ZMYM4: variants seen among roughly 807,000 people sequenced by gnomAD.
The protein encoded by ZMYM4 is zinc finger MYM-type protein 4.
A neutral mutation model predicts 183.2 loss-of-function variants in ZMYM4; 31 were observed. The ratio of observed to expected loss-of-function variants is 0.17; its 90% CI spans 0.13 to 0.23. The LOEUF (loss-of-function observed/expected upper bound fraction) is 0.23. ZMYM4 is among the 10% of genes least tolerant of loss of function. ZMYM4 has a pLI of 1.00. For missense variants in ZMYM4, 1,273 were observed against 1,840.3 expected (o/e 0.69, Z 5.64); for synonymous variants, 592 against 631.2 (o/e 0.94, Z 0.93).
chr1:35,339,547 C>T (rs1301287309), intron 2 of ZMYM4, among the ~76,000 whole-genome samples: 1 of 152,044 alleles, frequency 6.6e-6, no homozygotes, highest in African/African-American at 2.4e-5. Flanking sequence ...TATAAGTAAC[C>T]TAGAGATGAA....
intron 2 of ZMYM4, among the ~76,000 whole-genome samples, chr1:35,331,244 G>T (rs1266585124): frequency 6.6e-6 from 1 of 151,852 alleles, no homozygotes; most frequent in Non-Finnish European, 1.5e-5. Flanking sequence ...TCTTCTTTAG[G>T]GATATAAACA....
At chr1:35,328,662 T>G (rs1197119524) in intron 2 of ZMYM4, among the ~76,000 whole-genome samples, 1 of 151,964 alleles carries the variant, frequency 6.6e-6, no homozygotes, top group Non-Finnish European at 1.5e-5. Context: ...TTATCTCCCC[T>G]TTTCTGGTAG....
intron 27 of ZMYM4, among the ~76,000 whole-genome samples, chr1:35,414,489 A>G (rs933959075): frequency 2.0e-5 from 3 of 152,228 alleles, no homozygotes; most frequent in South Asian, 4.1e-4. Context: ...AGACAAGTCC[A>G]TAATTCACTC....
intron 2 of ZMYM4, chr1:35,351,462 G>C (rs1261956123): frequency 1.3e-5 from 20 of 1,570,102 alleles, no homozygotes; most frequent in Non-Finnish European, 1.6e-5. Context: ...TGCTATACGA[G>C]AGAATCCAGT....
intron 1 of ZMYM4, among the ~76,000 whole-genome samples, chr1:35,314,191 C>T (rs1641931490): frequency 6.6e-6 from 1 of 152,142 alleles, no homozygotes; most frequent in South Asian, 2.1e-4. Flanking sequence ...CCTGATTCTT[C>T]CAACTTGGTA....
Position 35,419,961 on chromosome 1 carries a change from A to G in ZMYM4, c.*284A>G. Reference sequence around the variant, plus strand: ...ATCTTATTTTGTTTGGGAGTAACAAATCGTGGAATATTTTTAAGGAAAACT... The same window carrying G: ...ATCTTATTTTGTTTGGGAGTAACAAGTCGTGGAATATTTTTAAGGAAAACT... On this transcript the variant is annotated 3_prime_UTR_variant, in exon 30 of 30. Transcript: ENST00000314607. The G allele has an allele frequency of 2.6e-6, 1 of 387,414 alleles. No homozygotes were observed. The highest frequency in any genetic ancestry group is 3.7e-5 in the Admixed American group (1 of 26,760). 24.0% of individuals were successfully genotyped at this position (387,414 alleles called of 1,614,324 possible). A position where few individuals can be genotyped will look rare whatever the true frequency, so the allele number is the denominator to read the frequency against.
At position 35,269,078 on chromosome 1, in the gene ZMYM4, G is replaced by C. The variant is rs1227501763; in HGVS notation, c.32G>C (p.Arg11Pro). 6.5e-7 allele frequency: 1 copy of C among 1,549,486 alleles called. No individual in the cohort carries two copies. Among genetic ancestry groups the C allele is most frequent in the Non-Finnish European group, 8.7e-7 (1 of 1,146,722 alleles). The change falls in exon 1 of 30, where the codon CGA becomes CCA. Residue 11 changes from arginine (R) to proline (P), a missense_variant. Coordinates refer to ENST00000314607, the MANE Select transcript of ZMYM4 (RefSeq NM_005095.3). MAEREVESGP[R>P]KRFEQKSGAV... ...GAGAGAGAGGTGGAGTCCGGCCCCCGAAAGAGGGTAGGTGAGGTGAGGCAG... is the reference window on the plus strand; with the variant it reads ...GAGAGAGAGGTGGAGTCCGGCCCCCCAAAGAGGGTAGGTGAGGTGAGGCAG...
At position 35,392,256 on chromosome 1, in the gene ZMYM4, C is replaced by G. The variant is rs370196390; in HGVS notation, c.2632C>G (p.Leu878Val). The change falls in exon 16 of 30, where the codon CTG becomes GTG. Residue 878 changes from leucine to valine, a missense_variant. Leu to Val is a conservative substitution (Grantham distance 32, BLOSUM62 1). Around this residue, in one of 6 missense-constraint regions of ZMYM4, gnomAD observed 290 missense variants for 353.3 expected, o/e 0.82. Transcript: ENST00000314607. ...VQAASAGPPS[L>V]RKDSTPVIAN... ...AGCTGCTTCAGCAGGACCCCCATCT[C>G]TGAGAAAAGATTCGACTCCAGTTAT... 5.8e-5 allele frequency: 94 copies of G among 1,614,080 alleles called. No homozygotes were observed. Among genetic ancestry groups the G allele is most frequent in the Non-Finnish European group, 7.7e-5 (91 of 1,180,048 alleles).
intron 23 of ZMYM4, among the ~76,000 whole-genome samples, chr1:35,400,710 A>G (rs1265821672): frequency 6.6e-6 from 1 of 152,216 alleles, no homozygotes; most frequent in Non-Finnish European, 1.5e-5. Context: ...AATTCCCACC[A>G]CAATCATGAA....
chr1:35,289,007 A>C (rs1374608837), intron 1 of ZMYM4, among the ~76,000 whole-genome samples: 1 of 152,232 alleles, frequency 6.6e-6, no homozygotes, highest in Non-Finnish European at 1.5e-5. Context: ...TGTGGTTCCA[A>C]GTGCTGGACA....
At position 35,352,386 on chromosome 1, in the gene ZMYM4, G is replaced by GCACGCACACACACACACA. The variant is rs1553171662; in HGVS notation, c.86-6536_86-6535insGCACACACACACACACAC. 3.9e-5 allele frequency among the ~76,000 whole-genome samples: 5 copies of GCACGCACACACACACACA among 128,472 alleles called. No homozygotes were observed. In the East Asian group the frequency reaches 1.1e-3, roughly 29 times the overall value. The allele number at this position is 128,472 out of a possible 152,430, so 84.3% of individuals were successfully genotyped here. On this transcript the variant is annotated intron_variant, in intron 2 of 29. Coordinates refer to ENST00000314607, the MANE Select transcript of ZMYM4 (RefSeq NM_005095.3). The stretch of plus-strand genomic sequence containing the variant: ...CTCTACTAATAATTTAAAAATTAGC[G>GCACGCACACACACACACA]CACACACACACACACACACACACAC...
intron 1 of ZMYM4, among the ~76,000 whole-genome samples, chr1:35,317,308 C>T (rs1385374982): frequency 6.6e-6 from 1 of 151,990 alleles, no homozygotes; most frequent in South Asian, 2.1e-4. Flanking sequence ...AAGGCGGCAC[C>T]TGTAATCCCA....
At chr1:35,321,497 A>G (rs1642279974) in intron 1 of ZMYM4, among the ~76,000 whole-genome samples, 1 of 152,136 alleles carries the variant, frequency 6.6e-6, no homozygotes, top group Admixed American at 6.6e-5. Flanking sequence ...AAGGCAGGAA[A>G]AGATAAAGCT....
intron 1 of ZMYM4, among the ~76,000 whole-genome samples, chr1:35,322,503 A>G (rs1642325950): frequency 6.6e-6 from 1 of 151,932 alleles, no homozygotes; most frequent in South Asian, 2.1e-4. Context: ...TTCACCTTAA[A>G]TGGTTGTCAT....
At chr1:35,327,139 G>C (rs770538562) in intron 2 of ZMYM4, among the ~76,000 whole-genome samples, 2 of 152,218 alleles carry the variant, frequency 1.3e-5, no homozygotes, top group Non-Finnish European at 2.9e-5. Context: ...GGGATTACAG[G>C]CGTGAGCCAC....
In ZMYM4 at chr1:35,269,724, T is replaced by C. The variant is rs145451361; in HGVS notation, c.39+639T>C. Among the ~76,000 whole-genome samples, 207 of 152,306 alleles carry C rather than the reference T, an allele frequency of 1.4e-3. 1 individual carries two copies. Among genetic ancestry groups the C allele is most frequent in the African/African-American group, 4.8e-3 (199 of 41,566 alleles). ...GGACTTGGAAGAATACGACAAGTTTTCTCATAACAGGGATGTACCCAATCA... is the reference window on the plus strand; with the variant it reads ...GGACTTGGAAGAATACGACAAGTTTCCTCATAACAGGGATGTACCCAATCA... On this transcript the variant is annotated intron_variant, in intron 1 of 29. Transcript: ENST00000314607.
chr1:35,381,403 C>A lies in ZMYM4; in HGVS notation c.1326C>A (p.Thr442=). The change falls in exon 8 of 30, where the codon ACC becomes ACA. Residue 442 remains threonine, a synonymous_variant. Transcript: ENST00000314607. ...CCATAAATACAAATAGTATTTCAAC[C>A]AAATGCAGCATGTGTCAGAAGAATG... ...IVTINTNSIS[T]KCSMCQKNAV... The A allele has an allele frequency of 6.2e-7, 1 of 1,609,290 alleles. No homozygotes were observed. The highest frequency in any genetic ancestry group is 1.1e-5 in the South Asian group (1 of 90,658).
Position 35,370,572 on chromosome 1 carries a change from C to T in ZMYM4, c.1126C>T (p.Pro376Ser), listed in dbSNP as rs775343096. The T allele has an allele frequency of 1.2e-6, 2 of 1,612,624 alleles. No homozygotes were observed. Among genetic ancestry groups the T allele is most frequent in the African/African-American group, 2.7e-5 (2 of 74,896 alleles). ...ACTGTGCCTCACTGGATATACAGTTCCACCTGCCCGCCCACCGCCTCCTCT... is the reference window on the plus strand; with the variant it reads ...ACTGTGCCTCACTGGATATACAGTTTCACCTGCCCGCCCACCGCCTCCTCT... Reference protein sequence around the residue: ...STLCLTGYTVPPARPPPPLTK... With the variant: ...STLCLTGYTVSPARPPPPLTK... The change falls in exon 7 of 30, where the codon CCA becomes TCA. Residue 376 changes from proline (P) to serine (S), a missense_variant. Pro to Ser is a moderately conservative substitution (Grantham distance 74, BLOSUM62 -1). This residue lies in a region of ZMYM4 where 384 missense variants were observed against 465.6 expected (regional missense o/e 0.82). Transcript: ENST00000314607.
chr1:35,332,587 T>C (rs1642801906), intron 2 of ZMYM4, among the ~76,000 whole-genome samples: 1 of 152,142 alleles, frequency 6.6e-6, no homozygotes, highest in Non-Finnish European at 1.5e-5. Flanking sequence ...CGTAGTCTGT[T>C]ACCTTGCCTT....
Sources: allele counts gnomAD v4.1 joint callset (sites outside exome capture counted in the v4.1 genomes callset), GRCh38; gene constraint gnomAD v4.1.1; regional missense constraint gnomAD v4.1.1; transcripts MANE v1.5; gene names NCBI Gene and HGNC (gene_info 2026-07-23, HGNC 2026-07-21).